GLIS3: variants seen among roughly 807,000 people sequenced by gnomAD.
GLIS3 encodes the protein zinc finger protein GLIS3.
In GLIS3, 53 loss-of-function variants were observed where a neutral mutation model predicts 78.6. That is an observed-to-expected ratio of 0.67 (90% CI 0.54 to 0.85). The LOEUF (loss-of-function observed/expected upper bound fraction) is 0.85. Ranked by LOEUF, GLIS3 falls within the 40% of genes least tolerant of loss-of-function variation. GLIS3 has a pLI of 0.00. For synonymous variants in GLIS3, 684 were observed against 509.9 expected (o/e 1.34, Z -4.60); for missense variants, 1,703 against 1,231.1 (o/e 1.38, Z -5.74).
At chr9:3,968,994 C>T (rs756401528) in intron 4 of GLIS3, among the ~76,000 whole-genome samples, 13 of 152,332 alleles carry the variant, frequency 8.5e-5, no homozygotes, top group African/African-American at 1.7e-4. Flanking sequence ...TCCATCAAAA[C>T]GGCTTGGCTT....
At chr9:3,961,080 T>C (rs1817516908) in intron 4 of GLIS3, among the ~76,000 whole-genome samples, 1 of 152,188 alleles carries the variant, frequency 6.6e-6, no homozygotes, top group African/African-American at 2.4e-5. Context: ...TTGGGGTCAT[T>C]AAGCTTGTCA....
At chr9:4,327,777 G>A (rs1249126980) in intron 2 of GLIS3, among the ~76,000 whole-genome samples, 1 of 152,176 alleles carries the variant, frequency 6.6e-6, no homozygotes, top group Admixed American at 6.5e-5. Flanking sequence ...AGCACAGTAG[G>A]CAAGAAGTGT....
chr9:3,951,940 G>A (rs980085363), intron 4 of GLIS3, among the ~76,000 whole-genome samples: 3 of 150,750 alleles, frequency 2.0e-5, no homozygotes, highest in Non-Finnish European at 4.4e-5. Context: ...TGAAGACACA[G>A]TAAAGACAGA....
intron 2 of GLIS3, among the ~76,000 whole-genome samples, chr9:4,194,867 A>T (rs1237095739): frequency 6.6e-6 from 1 of 152,226 alleles, no homozygotes; most frequent in African/African-American, 2.4e-5. Flanking sequence ...CACTGCGAAA[A>T]GCTGCATATG....
intron 3 of GLIS3, among the ~76,000 whole-genome samples, chr9:4,119,196 A>G (rs1182298520): frequency 6.6e-6 from 1 of 152,210 alleles, no homozygotes; most frequent in Admixed American, 6.5e-5. Flanking sequence ...CTTTTTCAAT[A>G]TGGGGGAAAA....
chr9:4,063,088 G>A (rs1453326815), intron 4 of GLIS3, among the ~76,000 whole-genome samples: 1 of 149,846 alleles, frequency 6.7e-6, no homozygotes, highest in Non-Finnish European at 1.5e-5. Flanking sequence ...TTCCATATCT[G>A]CAAAAAAAAA....
At chr9:3,969,190 G>A (rs746735587) in intron 4 of GLIS3, among the ~76,000 whole-genome samples, 3 of 152,164 alleles carry the variant, frequency 2.0e-5, no homozygotes, top group Non-Finnish European at 2.9e-5. Context: ...CTCACTGTTC[G>A]AAGAAGGTAA....
At chr9:4,322,809 T>C (rs1478915616) in intron 2 of GLIS3, among the ~76,000 whole-genome samples, 4 of 152,242 alleles carry the variant, frequency 2.6e-5, no homozygotes, top group African/African-American at 9.6e-5. Context: ...TTTTGAATAT[T>C]AGCCCTGTGT....
the GLIS3 span, among the ~76,000 whole-genome samples, chr9:4,459,330 G>C: frequency 1.3e-5 from 2 of 152,300 alleles, no homozygotes; most frequent in South Asian, 4.1e-4. Context: ...GGATACAGGA[G>C]GTCTAAAGAC....
chr9:4,173,289 G>A (rs929547449), intron 2 of GLIS3, among the ~76,000 whole-genome samples: 2 of 152,142 alleles, frequency 1.3e-5, no homozygotes, highest in African/African-American at 4.8e-5. Context: ...AGGCTTTAAT[G>A]CCTTCGAGCT....
chr9:4,110,181 G>C (rs554578283), intron 4 of GLIS3, among the ~76,000 whole-genome samples: 43 of 152,204 alleles, frequency 2.8e-4, no homozygotes, highest in South Asian at 1.9e-3. Context: ...ATACTATTTG[G>C]GTAAGGTAAT....
intron 2 of GLIS3, among the ~76,000 whole-genome samples, chr9:4,126,211 ATATTT>A (rs1351582979): frequency 1.3e-5 from 2 of 152,354 alleles, no homozygotes; most frequent in East Asian, 3.9e-4. Context: ...ATTAAAAATC[ATATTT>A]TATAATATCC....
chr9:4,479,991 G>A, the GLIS3 span, among the ~76,000 whole-genome samples: 1 of 148,988 alleles, frequency 6.7e-6, no homozygotes. Context: ...CCGACCTCAG[G>A]TGATCCGCCC....
At chr9:4,005,374 T>C (rs1337584884) in intron 4 of GLIS3, among the ~76,000 whole-genome samples, 1 of 152,242 alleles carries the variant, frequency 6.6e-6, no homozygotes, top group African/African-American at 2.4e-5. Flanking sequence ...TATGTTTATA[T>C]ACATACATCA....
intron 2 of GLIS3, among the ~76,000 whole-genome samples, chr9:4,278,510 T>A (rs1356901095): frequency 6.6e-6 from 1 of 152,086 alleles, no homozygotes; most frequent in African/African-American, 2.4e-5. Flanking sequence ...CAAAGAATAA[T>A]GATGGTAATG....
Position 4,329,013 on chromosome 9 carries a change from G to C in GLIS3, n.264+18068C>G, listed in dbSNP as rs1237274143. On this transcript the variant is annotated intron_variant and non_coding_transcript_variant, in intron 2 of 4. Transcript: ENST00000471664. ...GCACCAACAGCATTTGTTACAAAAG[G>C]CTTAGGATGATGAGTAAGAGTCTCT... 2.0e-5 allele frequency among the ~76,000 whole-genome samples: 3 copies of C among 152,176 alleles called. No individual in the cohort carries two copies. In the East Asian group the frequency reaches 5.8e-4, roughly 29 times the overall value.
intron 4 of GLIS3, among the ~76,000 whole-genome samples, chr9:3,989,123 A>G (rs1820005118): frequency 6.6e-6 from 1 of 152,208 alleles, no homozygotes; most frequent in Non-Finnish European, 1.5e-5. Context: ...GGATATACAG[A>G]CGGTAAATAA....
chr9:4,373,647 A>G, the GLIS3 span, among the ~76,000 whole-genome samples: 2 of 151,836 alleles, frequency 1.3e-5, no homozygotes, highest in African/African-American at 4.8e-5. Context: ...TTTGTTATCT[A>G]GGGGAAAACA....
chr9:4,090,245 G>A (rs574145743), intron 4 of GLIS3, among the ~76,000 whole-genome samples: 23 of 152,138 alleles, frequency 1.5e-4, no homozygotes, highest in Non-Finnish European at 3.2e-4. Context: ...TTTCTCCTTA[G>A]TGCTGCCTTC....
Sources: allele counts gnomAD v4.1 joint callset (sites outside exome capture counted in the v4.1 genomes callset), GRCh38; gene constraint gnomAD v4.1.1; transcripts MANE v1.5; gene names NCBI Gene and HGNC (gene_info 2026-07-23, HGNC 2026-07-21).